The following TNRC6B variants were observed in gnomAD, a reference collection of about 807,000 sequenced individuals.
TNRC6B encodes trinucleotide repeat containing adaptor 6B.
TNRC6B carries 52 observed loss-of-function variants against 203.6 expected under a neutral mutation model. The ratio of observed to expected loss-of-function variants is 0.26; its 90% CI spans 0.20 to 0.32. The LOEUF is 0.32. Among genes scored for constraint, TNRC6B ranks in the 10% least tolerant of loss-of-function variants. The pLI, the probability that TNRC6B is intolerant of heterozygous loss-of-function variation, is 1.00. For synonymous variants in TNRC6B, 838 were observed against 845.7 expected, an observed-to-expected ratio of 0.99 and a Z score of 0.16; for missense variants, 1,923 against 2,286.2, an observed-to-expected ratio of 0.84 and a Z score of 3.24.
intron 1 of TNRC6B, among the ~76,000 whole-genome samples, chr22:40,053,160 T>TAAAAAA (rs76520904): frequency 1.5e-5 from 2 of 135,478 alleles, no homozygotes; most frequent in African/African-American, 2.6e-5. Context: ...AGATTTTCTT[T>TAAAAAA]AAAAAAAAAA....
At chr22:40,283,358 C>G (rs5995842) in intron 11 of TNRC6B, among the ~76,000 whole-genome samples, 48,512 of 152,000 alleles carry the variant, frequency 0.32, 8,477 homozygotes, top group South Asian at 0.47. Context: ...TTATTTTTTA[C>G]AGATGGGGTC....
At chr22:40,225,850 C>G (rs912762001) in intron 1 of TNRC6B, among the ~76,000 whole-genome samples, 1 of 151,436 alleles carries the variant, frequency 6.6e-6, no homozygotes, top group African/African-American at 2.4e-5. Context: ...CAGAACATTT[C>G]CCCTGGGTTA....
chr22:40,083,480 C>T (rs7292602), intron 1 of TNRC6B, among the ~76,000 whole-genome samples: 54,345 of 152,038 alleles, frequency 0.36, 14,652 homozygotes, highest in African/African-American at 0.76. Context: ...ATAGCAGGTT[C>T]TTAATTCTGA....
chr22:40,276,334 A>AG (rs938388738), intron 7 of TNRC6B, among the ~76,000 whole-genome samples: 9 of 148,262 alleles, frequency 6.1e-5, no homozygotes. Flanking sequence ...GTGACAGAGA[A>AG]AAAAAAAAAA....
At chr22:40,299,342 C>T (rs533654558) in intron 12 of TNRC6B, among the ~76,000 whole-genome samples, 11 of 151,720 alleles carry the variant, frequency 7.3e-5, no homozygotes, top group African/African-American at 2.7e-4. Context: ...CAGCTTGAGG[C>T]AATTCTCCTG....
intron 5 of TNRC6B, among the ~76,000 whole-genome samples, chr22:40,267,971 T>C (rs1401815801): frequency 6.6e-6 from 1 of 152,218 alleles, no homozygotes; most frequent in African/African-American, 2.4e-5. Context: ...AAAGTAGCAA[T>C]GGTAATGCCA....
chr22:40,266,754 G>T lies in TNRC6B; in HGVS notation c.2524G>T (p.Gly842Cys). The part of the protein sequence containing the change: ...PQPEASGSWG[G>C]PPPPPPGNVR... ...ACCAGAGGCTTCTGGTTCGTGGGGAGGCCCACCCCCACCACCTCCAGGCAA... is the reference window on the plus strand; with the variant it reads ...ACCAGAGGCTTCTGGTTCGTGGGGATGCCCACCCCCACCACCTCCAGGCAA... The change falls in exon 5 of 23, where the codon GGC becomes TGC. Residue 842 changes from glycine to cysteine, a missense_variant. Coordinates refer to ENST00000454349, the MANE Select transcript of TNRC6B (RefSeq NM_001162501.2). 3 of 1,613,674 alleles carry T rather than the reference G, an allele frequency of 1.9e-6. No homozygotes were observed. Among genetic ancestry groups the T allele is most frequent in the Non-Finnish European group, 2.5e-6 (3 of 1,179,744 alleles).
At position 40,151,560 on chromosome 22, in the gene TNRC6B, G is replaced by GAAA. The variant is rs147036721; in HGVS notation, c.46-4550_46-4548dup. Among the ~76,000 whole-genome samples the GAAA allele has an allele frequency of 6.0e-3, 848 of 140,320 alleles. 9 individuals are homozygous for GAAA. Among genetic ancestry groups the GAAA allele is most frequent in the African/African-American group, 0.019 (731 of 37,866 alleles). 92.1% of individuals were successfully genotyped at this position (140,320 alleles called of 152,430 possible). Reference sequence around the variant, plus strand: ...CTCAAAAAAAAAAAAAAAGAAAAAAGAAAAAAACTAAAACAAAAACTCTCT... The same window carrying GAAA: ...CTCAAAAAAAAAAAAAAAGAAAAAAGAAAAAAAAAACTAAAACAAAAACTCTCT... On this transcript the variant is annotated intron_variant, in intron 3 of 23. Coordinates refer to the TNRC6B transcript ENST00000301923.
At chr22:40,123,832 T>C (rs1177156337) in intron 2 of TNRC6B, among the ~76,000 whole-genome samples, 1 of 151,984 alleles carries the variant, frequency 6.6e-6, no homozygotes, top group East Asian at 1.9e-4. Flanking sequence ...ACACATAAAA[T>C]CTTTCTGGAT....
chr22:40,113,189 T>G (rs1039342706), intron 1 of TNRC6B, among the ~76,000 whole-genome samples: 3 of 152,206 alleles, frequency 2.0e-5, no homozygotes, highest in African/African-American at 7.2e-5. Flanking sequence ...TTAAAGAGGA[T>G]GTTTTTAGGA....
chr22:40,129,047 C>A (rs886425176), intron 3 of TNRC6B, among the ~76,000 whole-genome samples: 1 of 152,024 alleles, frequency 6.6e-6, no homozygotes, highest in Non-Finnish European at 1.5e-5. Flanking sequence ...CTCTCTGAGA[C>A]GGGGACATTT....
chr22:40,279,882 A>G (rs1197936538), intron 9 of TNRC6B, 113 bp from the exon 10 acceptor site: 2 of 836,822 alleles, frequency 2.4e-6, no homozygotes, highest in Non-Finnish European at 3.7e-6. Flanking sequence ...AGAAATAGAA[A>G]TATTAATAGC....
intron 3 of TNRC6B, among the ~76,000 whole-genome samples, chr22:40,130,795 A>AC (rs1342685450): frequency 6.6e-6 from 1 of 151,642 alleles, no homozygotes; most frequent in East Asian, 1.9e-4. Context: ...AAAAAAAAAA[A>AC]AAAAAAAATA....
intron 1 of TNRC6B, among the ~76,000 whole-genome samples, chr22:40,075,156 A>ATTTTTTTTTTTTT (rs58240994): frequency 3.7e-4 from 13 of 35,558 alleles, no homozygotes; most frequent in South Asian, 1.1e-3. Flanking sequence ...ATATATATAT[A>ATTTTTTTTTTTTT]TTTTTTTTTT....
At chr22:40,279,957 A>G in intron 9 of TNRC6B, 38 bp from the exon 10 acceptor site, 3 of 1,609,192 alleles carry the variant, frequency 1.9e-6, no homozygotes, top group African/African-American at 1.3e-5. Context: ...GGAAACATTG[A>G]TTCTGGAAAT....
At chr22:40,211,924 C>G (rs1470952176) in intron 1 of TNRC6B, among the ~76,000 whole-genome samples, 1 of 152,202 alleles carries the variant, frequency 6.6e-6, no homozygotes, top group East Asian at 1.9e-4. Context: ...TTCCTAACTC[C>G]TCTTTCCTTT....
intron 12 of TNRC6B, among the ~76,000 whole-genome samples, chr22:40,288,840 T>G (rs959914759): frequency 2.9e-5 from 2 of 68,436 alleles, no homozygotes; most frequent in African/African-American, 7.3e-5. Context: ...TGTGCCCAGC[T>G]TTTTTTTTTT....
chr22:40,274,386 T>TTG (rs2070608102), intron 7 of TNRC6B, among the ~76,000 whole-genome samples: 1 of 152,084 alleles, frequency 6.6e-6, no homozygotes, highest in Admixed American at 6.6e-5. Flanking sequence ...CAGTGAGTAC[T>TTG]TGTGTGCTAT....
At position 40,296,480 on chromosome 22, in the gene TNRC6B, C is replaced by T. The variant is rs964486848; in HGVS notation, c.3709-3975C>T. 4.0e-5 allele frequency among the ~76,000 whole-genome samples: 6 copies of T among 151,166 alleles called. No homozygotes were observed. The Middle Eastern group carries it at 0.01, about 261-fold the overall frequency. On this transcript the variant is annotated intron_variant, in intron 12 of 22. Transcript: ENST00000454349. ...CCGAGTAGCTGGGACTACAGGCGCCCGCCATCACTCCCGGCTAATTTTTTT... is the reference window on the plus strand; with the variant it reads ...CCGAGTAGCTGGGACTACAGGCGCCTGCCATCACTCCCGGCTAATTTTTTT...
Sources: allele counts gnomAD v4.1 joint callset (sites outside exome capture counted in the v4.1 genomes callset), GRCh38; gene constraint gnomAD v4.1.1; transcripts MANE v1.5; gene names NCBI Gene and HGNC (gene_info 2026-07-23, HGNC 2026-07-21).